The following GRID1 variants were observed in gnomAD, a reference collection of about 807,000 sequenced individuals.
GRID1 encodes the protein glutamate receptor ionotropic, delta-1.
Under a neutral mutation model 98.0 loss-of-function variants are expected in GRID1, and 28 were observed. That is an observed-to-expected ratio of 0.29 (90% confidence interval 0.21 to 0.39). The LOEUF is 0.39. Ranked by LOEUF, GRID1 falls within the 10% of genes least tolerant of loss-of-function variation. The pLI, the probability that GRID1 is intolerant of heterozygous loss-of-function variation, is 1.00. For synonymous variants in GRID1, 553 were observed against 538.5 expected (o/e 1.03, Z -0.37); for missense variants, 1,111 against 1,340.5 (o/e 0.83, Z 2.67).
At chr10:85,728,517 T>C (rs1841787819) in intron 9 of GRID1, among the ~76,000 whole-genome samples, 1 of 152,176 alleles carries the variant, frequency 6.6e-6, no homozygotes, top group African/African-American at 2.4e-5. Flanking sequence ...CAGGCTATAC[T>C]AGAAAGTGGA....
chr10:85,878,473 C>T (rs1840940367), intron 5 of GRID1, among the ~76,000 whole-genome samples: 1 of 152,172 alleles, frequency 6.6e-6, no homozygotes. Flanking sequence ...ATTCAACATT[C>T]TTAAAGAAAA....
intron 2 of GRID1, among the ~76,000 whole-genome samples, chr10:86,238,557 C>T (rs1281720547): frequency 2.6e-5 from 4 of 151,358 alleles, no homozygotes; most frequent in Admixed American, 2.6e-4. Flanking sequence ...ATAGTCCCAG[C>T]TACTTGGGAG....
intron 8 of GRID1, among the ~76,000 whole-genome samples, chr10:85,818,991 G>T (rs1332736380): frequency 6.6e-6 from 1 of 152,112 alleles, no homozygotes; most frequent in Non-Finnish European, 1.5e-5. Context: ...AAAGTGCTGG[G>T]ATTACAGGAG....
chr10:85,947,350 G>A (rs1390205516), intron 4 of GRID1, among the ~76,000 whole-genome samples: 2 of 152,154 alleles, frequency 1.3e-5, no homozygotes, highest in Non-Finnish European at 1.5e-5. Flanking sequence ...GGTGTGGGGT[G>A]GGGAGAATAC....
chr10:85,874,793 A>C (rs1313495169), intron 5 of GRID1, among the ~76,000 whole-genome samples: 2 of 152,210 alleles, frequency 1.3e-5, no homozygotes, highest in Non-Finnish European at 2.9e-5. Context: ...TAGGTCCATT[A>C]AAAATCTGTG....
chr10:86,315,575 C>A, intron 2 of GRID1, among the ~76,000 whole-genome samples: 1 of 152,190 alleles, frequency 6.6e-6, no homozygotes, highest in East Asian at 1.9e-4. Context: ...TGGTCACCCA[C>A]CTGATCTGCT....
chr10:85,835,253 C>A (rs543938273), intron 8 of GRID1, among the ~76,000 whole-genome samples: 1 of 152,134 alleles, frequency 6.6e-6, no homozygotes, highest in Non-Finnish European at 1.5e-5. Context: ...AACCCCATCT[C>A]GGCATCTGAT....
chr10:86,085,920 G>A (rs923791402), intron 4 of GRID1, among the ~76,000 whole-genome samples: 8 of 151,962 alleles, frequency 5.3e-5, no homozygotes, highest in South Asian at 2.1e-4. Context: ...CCAGCATCCC[G>A]AGCTTGCTTC....
chr10:85,976,716 G>A (rs1373902269), intron 4 of GRID1, among the ~76,000 whole-genome samples: 1 of 152,238 alleles, frequency 6.6e-6, no homozygotes, highest in Non-Finnish European at 1.5e-5. Context: ...CTGAGGAGAA[G>A]CAGCTGCTGC....
At chr10:86,040,143 T>TG (rs1173925045) in intron 4 of GRID1, among the ~76,000 whole-genome samples, 1 of 152,166 alleles carries the variant, frequency 6.6e-6, no homozygotes, top group Non-Finnish European at 1.5e-5. Flanking sequence ...ACACTGTTCA[T>TG]GGGAATGTAA....
rs577053869 is a variant in GRID1, at chr10:85,927,209, G to A, written c.727-10970C>T. 7.9e-5 allele frequency among the ~76,000 whole-genome samples: 12 copies of A among 152,342 alleles called. No individual in the cohort carries two copies. The East Asian group carries it at 1.7e-3, about 22-fold the overall frequency. On this transcript the variant is annotated intron_variant, in intron 4 of 15. Coordinates refer to ENST00000327946, the MANE Select transcript of GRID1 (RefSeq NM_017551.3). ...CAGCAGGTCCTGGCACACAAACTATGTCAGGCTTCACTATGCCGACTGCCT... is the reference window on the plus strand; with the variant it reads ...CAGCAGGTCCTGGCACACAAACTATATCAGGCTTCACTATGCCGACTGCCT...
intron 2 of GRID1, among the ~76,000 whole-genome samples, chr10:86,214,633 T>G (rs1427456889): frequency 1.1e-4 from 16 of 152,002 alleles, no homozygotes; most frequent in Admixed American, 1.0e-3. Flanking sequence ...GAGGCCAAGG[T>G]GGGCAGATTG....
chr10:85,758,654 C>G (rs1308814520), intron 8 of GRID1, among the ~76,000 whole-genome samples: 1 of 152,138 alleles, frequency 6.6e-6, no homozygotes, highest in Non-Finnish European at 1.5e-5. Context: ...ATAGCCCTGC[C>G]CAAATTCAAG....
At chr10:85,779,926 G>A (rs192972843) in intron 8 of GRID1, among the ~76,000 whole-genome samples, 6 of 152,330 alleles carry the variant, frequency 3.9e-5, no homozygotes, top group Admixed American at 3.9e-4. Flanking sequence ...TGCTAGCAGA[G>A]TCTGTGGGAT....
chr10:86,225,494 G>A (rs10887563), intron 2 of GRID1, among the ~76,000 whole-genome samples: 45,537 of 152,154 alleles, frequency 0.3, 7,356 homozygotes, highest in Non-Finnish European at 0.38. Flanking sequence ...CTCAAAGCGT[G>A]TATTTCTGCA....
intron 3 of GRID1, among the ~76,000 whole-genome samples, chr10:86,140,987 A>G (rs912166028): frequency 5.3e-5 from 8 of 152,042 alleles, no homozygotes; most frequent in African/African-American, 1.9e-4. Context: ...GACCTCAGCC[A>G]GCCCCTTGTC....
At chr10:86,163,164 T>C (rs554796034) in intron 3 of GRID1, among the ~76,000 whole-genome samples, 177 of 152,254 alleles carry the variant, frequency 1.2e-3, no homozygotes, top group African/African-American at 4.0e-3. Flanking sequence ...TCCCAGGTTG[T>C]CATGGGGCAG....
At chr10:85,762,951 G>T (rs1842160625) in intron 8 of GRID1, among the ~76,000 whole-genome samples, 1 of 152,172 alleles carries the variant, frequency 6.6e-6, no homozygotes, top group South Asian at 2.1e-4. Context: ...TTGCAACTAT[G>T]TGTATAAGAC....
chr10:86,133,870 G>A (rs781264559), intron 4 of GRID1, among the ~76,000 whole-genome samples: 9 of 152,174 alleles, frequency 5.9e-5, no homozygotes, highest in Non-Finnish European at 1.0e-4. Flanking sequence ...AGGCTGCCCC[G>A]CCTCCTTGTG....
Sources: allele counts gnomAD v4.1 joint callset (sites outside exome capture counted in the v4.1 genomes callset), GRCh38; gene constraint gnomAD v4.1.1; transcripts MANE v1.5; gene names NCBI Gene and HGNC (gene_info 2026-07-23, HGNC 2026-07-21).